FHIP1B: variants seen among roughly 807,000 people sequenced by gnomAD.
The protein encoded by FHIP1B is FHF complex subunit HOOK-interacting protein 1B.
A neutral mutation model predicts 82.2 loss-of-function variants in FHIP1B; 28 were observed. The ratio of observed to expected loss-of-function variants is 0.34; its 90% CI spans 0.25 to 0.47. The LOEUF (loss-of-function observed/expected upper bound fraction) is 0.47, where lower values mean the gene tolerates loss of function less well. FHIP1B is among the 20% of genes least tolerant of loss of function. The probability of loss-of-function intolerance (pLI) is 1.00; values close to 1 mark genes in which losing one functional copy is unlikely to be tolerated. For missense variants in FHIP1B, 1,110 were observed against 1,262.6 expected, an observed-to-expected ratio of 0.88 and a Z score of 1.83; for synonymous variants, 585 against 516.1, an observed-to-expected ratio of 1.13 and a Z score of -1.81.
In FHIP1B at chr11:6,223,085, T is replaced by C. The variant is rs777022212; in HGVS notation, c.931A>G (p.Ile311Val). The change falls in exon 4 of 12, where the codon ATT (isoleucine) becomes GTT (valine). Residue 311 changes from isoleucine to valine, a missense_variant. By Grantham distance (29) the Ile-to-Val change is conservative. Around this residue, in one of 6 missense-constraint regions of FHIP1B, gnomAD observed 467 missense variants for 602.9 expected, o/e 0.77. Coordinates refer to ENST00000449352, the MANE Select transcript of FHIP1B (RefSeq NM_001098794.2). The surrounding 1 kb of genome is among the most constrained non-coding windows in gnomAD (Gnocchi z 4.8). Reference protein sequence around the residue: ...MSSLEFCNAVIQVAHPLVQKQ... With the variant: ...MSSLEFCNAVVQVAHPLVQKQ... ...GGCCAGACTTTCAGTCCTACCTGAA[T>C]TACTGCATTGCAGAACTCCAGGGAA... 6.3e-7 allele frequency: 1 copy of C among 1,579,108 alleles called. No homozygotes were observed. Among genetic ancestry groups the C allele is most frequent in the Non-Finnish European group, 8.6e-7 (1 of 1,165,222 alleles).
chr11:6,220,364 C>G (rs7116070), intron 6 of FHIP1B, among the ~76,000 whole-genome samples: 1 of 152,086 alleles, frequency 6.6e-6, no homozygotes, highest in African/African-American at 2.4e-5. Context: ...AACACAGACC[C>G]CACCCCCCAA....
chr11:6,223,308 T>C lies in FHIP1B; in HGVS notation c.778-70A>G. The C allele has an allele frequency of 2.7e-6, 4 of 1,482,830 alleles. No individual in the cohort carries two copies. The highest frequency in any genetic ancestry group is 4.9e-5 in the East Asian group (2 of 41,100). 91.9% of individuals were successfully genotyped at this position (1,482,830 alleles called of 1,614,324 possible). On this transcript the variant is annotated intron_variant, in intron 3 of 11. Transcript: ENST00000449352. This position sits in a 1 kb window ranked among gnomAD's most constrained non-coding sequence, Gnocchi z 4.8. The stretch of plus-strand genomic sequence containing the variant: ...AATATAAAAACTGGAACAGGGGAGC[T>C]AGTAATCCAGAGTTTTGATGGGAAT...
chr11:6,233,568 A>G (rs1174577000), intron 1 of FHIP1B, among the ~76,000 whole-genome samples: 1 of 152,264 alleles, frequency 6.6e-6, no homozygotes, highest in Non-Finnish European at 1.5e-5. Context: ...AACTCATCAA[A>G]CACACATTTT....
intron 11 of FHIP1B, among the ~76,000 whole-genome samples, chr11:6,213,415 A>T (rs1590602831): frequency 6.6e-6 from 1 of 152,328 alleles, no homozygotes; most frequent in East Asian, 1.9e-4. Flanking sequence ...AGAAAAACAA[A>T]AAGCCTTTTC....
Position 6,211,370 on chromosome 11 carries a change from G to C in FHIP1B, c.*136C>G. ...TAGAGATTTCCCTTTTATACATATT[G>C]CAACAAGTTCTCCATAAAACATTCA... On this transcript the variant is annotated 3_prime_UTR_variant, in exon 12 of 12. Transcript: ENST00000449352. The C allele has an allele frequency of 8.2e-7, 1 of 1,222,444 alleles. No homozygotes were observed. The highest frequency in any genetic ancestry group is 1.6e-5 in the South Asian group (1 of 61,614). 75.7% of individuals were successfully genotyped at this position (1,222,444 alleles called of 1,614,324 possible).
chr11:6,232,047 T>C (rs1024288140), intron 1 of FHIP1B, among the ~76,000 whole-genome samples: 4 of 152,186 alleles, frequency 2.6e-5, no homozygotes, highest in Admixed American at 2.0e-4. Context: ...AGAGCAGATA[T>C]GGAATAAATG....
intron 1 of FHIP1B, among the ~76,000 whole-genome samples, chr11:6,228,138 A>G (rs1478712851): frequency 6.6e-6 from 1 of 152,212 alleles, no homozygotes; most frequent in Non-Finnish European, 1.5e-5. Flanking sequence ...ACTTGAGGTC[A>G]GGAGTTTGAG....
chr11:6,214,274 G>A (rs944471527), intron 11 of FHIP1B, 137 bp downstream of exon 11: 8 of 1,062,838 alleles, frequency 7.5e-6, no homozygotes, highest in Non-Finnish European at 9.5e-6. Context: ...AGAAGCCTGA[G>A]AACAAACATG....
chr11:6,218,964 C>G lies in FHIP1B; in HGVS notation c.1271+7G>C, dbSNP rs1363436817. On this transcript the variant is annotated splice_region_variant and intron_variant, in intron 7 of 11. Coordinates refer to ENST00000449352, the MANE Select transcript of FHIP1B (RefSeq NM_001098794.2). Reference sequence around the variant, plus strand: ...CAGCCATCCCTCAGCCCTGCCCCAACAGATACCTGAGAACCAGCTGCAGCA... The same window carrying G: ...CAGCCATCCCTCAGCCCTGCCCCAAGAGATACCTGAGAACCAGCTGCAGCA... The G allele has an allele frequency of 1.2e-6, 2 of 1,613,874 alleles. No homozygotes were observed. Among genetic ancestry groups the G allele is most frequent in the Non-Finnish European group, 1.7e-6 (2 of 1,179,914 alleles).
At chr11:6,230,950 A>C (rs1847681393) in intron 1 of FHIP1B, among the ~76,000 whole-genome samples, 1 of 152,238 alleles carries the variant, frequency 6.6e-6, no homozygotes, top group Non-Finnish European at 1.5e-5. Flanking sequence ...GCTGAAGCTA[A>C]ATGATGCCAT....
chr11:6,223,262 A>C lies in FHIP1B; in HGVS notation c.778-24T>G, dbSNP rs753092874. 6.6e-5 allele frequency: 104 copies of C among 1,573,976 alleles called. No individual in the cohort carries two copies. The highest frequency in any genetic ancestry group is 3.7e-4 in the Middle Eastern group (2 of 5,396). On this transcript the variant is annotated intron_variant, in intron 3 of 11. Transcript: ENST00000449352. The surrounding 1 kb of genome is among the most constrained non-coding windows in gnomAD (Gnocchi z 4.8). ...ACCTATGAGAAGTTACCAAAAGCTCATATATAAAATACATTTATAAAATAT... is the reference window on the plus strand; with the variant it reads ...ACCTATGAGAAGTTACCAAAAGCTCCTATATAAAATACATTTATAAAATAT...
rs769425560 is a variant in FHIP1B at position 6,218,001 on chromosome 11, A to T, written c.1585T>A (p.Ser529Thr). 20 of 1,613,404 alleles carry T rather than the reference A, an allele frequency of 1.2e-5. No homozygotes were observed. The highest frequency in any genetic ancestry group is 1.6e-5 in the Non-Finnish European group (19 of 1,179,884). Residue 529 changes from serine (S) to threonine (T), a missense_variant, in exon 9 of 12, where the codon TCC (serine) becomes ACC (threonine). Physicochemically the swap from Ser to Thr is moderately conservative, Grantham distance 58 (BLOSUM62 1). Transcript: ENST00000449352. Reference protein sequence around the residue: ...PAPCSPGLSASPASSPGRRPT... With the variant: ...PAPCSPGLSATPASSPGRRPT... ...CGTCGGCCAGGGCTGGAGGCGGGGGATGCAGAAAGCCCTGGTGAGCAAGGG... is the reference window on the plus strand; with the variant it reads ...CGTCGGCCAGGGCTGGAGGCGGGGGTTGCAGAAAGCCCTGGTGAGCAAGGG...
At position 6,211,717 on chromosome 11, in the gene FHIP1B, G is replaced by A; in HGVS notation, c.2708C>T (p.Pro903Leu). Residue 903 changes from proline (P) to leucine (L), a missense_variant, in exon 12 of 12, where the codon CCA becomes CTA. Coordinates refer to ENST00000449352, the MANE Select transcript of FHIP1B (RefSeq NM_001098794.2). ...LSGGSPGASTPVLLTRGGAPE... is the reference protein window; with the variant it reads ...LSGGSPGASTLVLLTRGGAPE... ...GGCCCCGCCCCGGGTGAGTAGAACT[G>A]GAGTTGAAGCCCCAGGGGAGCCCCC... is the stretch of plus-strand genomic sequence containing the variant. 1 of 1,614,256 alleles carries A rather than the reference G, an allele frequency of 6.2e-7. No homozygotes were observed. The highest frequency in any genetic ancestry group is 2.2e-5 in the East Asian group (1 of 44,886).
At chr11:6,219,407 G>C (rs935955196) in intron 6 of FHIP1B, among the ~76,000 whole-genome samples, 1 of 152,210 alleles carries the variant, frequency 6.6e-6, no homozygotes, top group African/African-American at 2.4e-5. Flanking sequence ...ACTAACAGGA[G>C]ACAACAGAAA....
chr11:6,217,597 G>A lies in FHIP1B; in HGVS notation c.1989C>T (p.Gly663=), dbSNP rs146377412. Reference sequence around the variant, plus strand: ...CTAGTCCTGCCATGCCCTCGGAGATGCCCTCTAGCAGTTCCCCAGCTCCCT... The same window carrying A: ...CTAGTCCTGCCATGCCCTCGGAGATACCCTCTAGCAGTTCCCCAGCTCCCT... ...PKEGAGELLE[G]ISEGMAGLEG... Residue 663 remains glycine (G), a synonymous_variant, in exon 9 of 12, where the codon GGC becomes GGT. Transcript: ENST00000449352. 1 of 1,613,142 alleles carries A rather than the reference G, an allele frequency of 6.2e-7. No individual in the cohort carries two copies. The highest frequency in any genetic ancestry group is 1.3e-5 in the African/African-American group (1 of 74,898).
chr11:6,222,935 G>A (rs1847455475), intron 4 of FHIP1B, 38 bp from the exon 5 acceptor site: 1 of 1,602,480 alleles, frequency 6.2e-7, no homozygotes. Flanking sequence ...GGGTTATGAG[G>A]AGACCACTGC....
intron 1 of FHIP1B, among the ~76,000 whole-genome samples, chr11:6,232,579 T>C (rs1414346278): frequency 6.6e-6 from 1 of 152,260 alleles, no homozygotes; most frequent in East Asian, 1.9e-4. Flanking sequence ...CTCTGGCTAC[T>C]GAATTTAATT....
In FHIP1B at chr11:6,217,716, C is replaced by T; in HGVS notation, c.1870G>A (p.Gly624Arg). The T allele has an allele frequency of 6.2e-7, 1 of 1,610,646 alleles. No individual in the cohort carries two copies. Among genetic ancestry groups the T allele is most frequent in the Non-Finnish European group, 8.5e-7 (1 of 1,178,236 alleles). Residue 624 changes from glycine (G) to arginine (R), a missense_variant, in exon 9 of 12, where the codon GGG becomes AGG. Coordinates refer to ENST00000449352, the MANE Select transcript of FHIP1B (RefSeq NM_001098794.2). ...GGGGGCAGGTGACCAGGGCCCTCCC[C>T]TGCACCCCCAGCCCGCCCCCTCCTC... The part of the protein sequence containing the change: ...LGRRGRAGGA[G>R]EGPGHLPPPQ...
In FHIP1B at chr11:6,224,561, G is replaced by T; in HGVS notation, c.-45C>A. ...TGGCAGCCAGAGGCCTACACTCTGAGGATTTGCCAGCTGGAGGTTTTCTCC... is the reference window on the plus strand; with the variant it reads ...TGGCAGCCAGAGGCCTACACTCTGATGATTTGCCAGCTGGAGGTTTTCTCC... On this transcript the variant is annotated 5_prime_UTR_variant, in exon 2 of 12. Transcript: ENST00000449352. 2 of 1,547,550 alleles carry T rather than the reference G, an allele frequency of 1.3e-6. No individual in the cohort carries two copies.
Sources: allele counts gnomAD v4.1 joint callset (sites outside exome capture counted in the v4.1 genomes callset), GRCh38; gene constraint gnomAD v4.1.1; regional missense constraint gnomAD v4.1.1; non-coding constraint Gnocchi (gnomAD v3.1); transcripts MANE v1.5; gene names NCBI Gene and HGNC (gene_info 2026-07-23, HGNC 2026-07-21).